CFDP1: variants seen among roughly 807,000 people sequenced by gnomAD.
CFDP1 encodes chromatin remodeling protein CFDP1, also known as heterochromatin-stabilizing protein CFDP1.
A neutral mutation model predicts 40.1 loss-of-function variants in CFDP1; 31 were observed. The ratio of observed to expected loss-of-function variants is 0.77; its 90% CI spans 0.58 to 1.04. The LOEUF is 1.04. Among genes scored for constraint, CFDP1 ranks in the 50% least tolerant of loss-of-function variants. The pLI, the probability that CFDP1 is intolerant of heterozygous loss-of-function variation, is 0.00. For missense variants in CFDP1, 423 were observed against 343.4 expected, an observed-to-expected ratio of 1.23 and a Z score of -1.83; for synonymous variants, 167 against 120.0, an observed-to-expected ratio of 1.39 and a Z score of -2.56.
chr16:75,347,180 TAAAAGTACA>T (rs2078572508), intron 5 of CFDP1, among the ~76,000 whole-genome samples: 1 of 149,668 alleles, frequency 6.7e-6, no homozygotes, highest in African/African-American at 2.5e-5. Flanking sequence ...CTGTCCCCAC[TAAAAGTACA>T]AAAAGTCAGC....
chr16:75,412,772 C>A lies in CFDP1; in HGVS notation c.183-18G>T. ...TTCTCTTCCTAATCACCAGCAGTCA[C>A]AGGAAAAAGGAAAGACAGCACAAAA... On this transcript the variant is annotated intron_variant, in intron 2 of 6. Coordinates refer to ENST00000283882, the MANE Select transcript of CFDP1 (RefSeq NM_006324.3). The A allele has an allele frequency of 6.3e-7, 1 of 1,598,908 alleles. No homozygotes were observed. The highest frequency in any genetic ancestry group is 8.6e-7 in the Non-Finnish European group (1 of 1,168,900).
chr16:75,327,378 A>C (rs1052581415), intron 5 of CFDP1, among the ~76,000 whole-genome samples: 4 of 152,224 alleles, frequency 2.6e-5, no homozygotes, highest in Non-Finnish European at 5.9e-5. Flanking sequence ...AGAGCTGCAC[A>C]GAAAGCAAAG....
chr16:75,414,543 C>CAAGG, intron 2 of CFDP1, 35 bp downstream of exon 2: 1 of 1,246,766 alleles, frequency 8.0e-7, no homozygotes, highest in South Asian at 1.2e-5. Context: ...GTGACAATAG[C>CAAGG]CCCTAACTTC....
intron 5 of CFDP1, among the ~76,000 whole-genome samples, chr16:75,340,308 G>T (rs536859360): frequency 3.3e-5 from 5 of 152,296 alleles, no homozygotes; most frequent in Admixed American, 1.3e-4. Flanking sequence ...TTTAGAAGAA[G>T]AATTCATTTT....
intron 5 of CFDP1, among the ~76,000 whole-genome samples, chr16:75,349,466 G>A (rs1332998732): frequency 2.7e-5 from 4 of 150,070 alleles, no homozygotes; most frequent in African/African-American, 7.4e-5. Flanking sequence ...CCAGGATCAT[G>A]CCACTGCACT....
At chr16:75,330,858 C>T (rs1283458874) in intron 5 of CFDP1, among the ~76,000 whole-genome samples, 1 of 151,944 alleles carries the variant, frequency 6.6e-6, no homozygotes, top group African/African-American at 2.4e-5. Flanking sequence ...TTGTACATCC[C>T]CAAGTACACT....
intron 5 of CFDP1, among the ~76,000 whole-genome samples, chr16:75,373,788 C>T (rs1006826606): frequency 2.6e-5 from 4 of 152,130 alleles, no homozygotes; most frequent in African/African-American, 9.7e-5. Flanking sequence ...GCCTTGACTT[C>T]CTCTACACAA....
intron 3 of CFDP1, 128 bp downstream of exon 3, chr16:75,412,407 G>T (rs2079170848): frequency 5.3e-6 from 4 of 759,490 alleles, no homozygotes; most frequent in Non-Finnish European, 9.1e-6. Flanking sequence ...CCTACCACAG[G>T]AAATGCTTTG....
chr16:75,421,420 A>C (rs2079278762), intron 1 of CFDP1, among the ~76,000 whole-genome samples: 1 of 152,162 alleles, frequency 6.6e-6, no homozygotes, highest in Non-Finnish European at 1.5e-5. Context: ...AAAACCCCCC[A>C]AAACCTCAAT....
chr16:75,346,857 A>G (rs757579620), intron 5 of CFDP1, among the ~76,000 whole-genome samples: 1 of 152,062 alleles, frequency 6.6e-6, no homozygotes, highest in Non-Finnish European at 1.5e-5. Flanking sequence ...CTAGTTAGTC[A>G]ACAGGACTTG....
At position 75,419,999 on chromosome 16, in the gene CFDP1, G is replaced by T. The variant is rs537854881; in HGVS notation, c.65-5304C>A. Among the ~76,000 whole-genome samples the T allele has an allele frequency of 2.6e-5, 4 of 151,344 alleles. No individual in the cohort carries two copies. In the East Asian group the frequency reaches 5.8e-4, roughly 22 times the overall value. On this transcript the variant is annotated intron_variant, in intron 1 of 6. Transcript: ENST00000283882. The stretch of plus-strand genomic sequence containing the variant: ...TTCGAGATCCAAGAACCCTCTCTTG[G>T]GGTCTGGGTCTGGATCCCCTTTCAG...
intron 5 of CFDP1, among the ~76,000 whole-genome samples, chr16:75,385,539 G>C (rs201413150): frequency 1.9e-5 from 2 of 106,214 alleles, no homozygotes; most frequent in African/African-American, 5.5e-5. Flanking sequence ...TAGTAGAGTT[G>C]AAAAAAAAAA....
intron 5 of CFDP1, among the ~76,000 whole-genome samples, chr16:75,337,195 G>C (rs183587015): frequency 6.6e-6 from 1 of 152,240 alleles, no homozygotes; most frequent in Non-Finnish European, 1.5e-5. Context: ...CAGCTGAAAG[G>C]GAGAAGACAG....
chr16:75,342,470 A>G (rs2078533539), intron 5 of CFDP1, among the ~76,000 whole-genome samples: 1 of 152,178 alleles, frequency 6.6e-6, no homozygotes, highest in South Asian at 2.1e-4. Flanking sequence ...ATTAACAGAA[A>G]GGCTGTAAAA....
intron 5 of CFDP1, among the ~76,000 whole-genome samples, chr16:75,319,460 T>C (rs190060055): frequency 7.9e-4 from 121 of 152,270 alleles, no homozygotes; most frequent in African/African-American, 2.6e-3. Context: ...GGGGGGAACG[T>C]GCTTTATGGT....
intron 1 of CFDP1, among the ~76,000 whole-genome samples, chr16:75,423,871 C>T (rs2079306368): frequency 6.6e-6 from 1 of 152,036 alleles, no homozygotes; most frequent in Non-Finnish European, 1.5e-5. Flanking sequence ...AGCCTTTTTC[C>T]AAATATTTTC....
intron 4 of CFDP1, among the ~76,000 whole-genome samples, chr16:75,405,287 A>T (rs35737321): frequency 0.49 from 75,086 of 152,012 alleles, 20,055 homozygotes; most frequent in Admixed American, 0.63. Context: ...TATTTTTATA[A>T]CTTATTTTTA....
rs141033729 is a variant in CFDP1 at position 75,391,118 on chromosome 16, T to A, written c.650+3972A>T. Among the ~76,000 whole-genome samples the A allele has an allele frequency of 1.5e-3, 221 of 152,346 alleles. 1 individual carries two copies. Among genetic ancestry groups the A allele is most frequent in the African/African-American group, 5.2e-3 (218 of 41,588 alleles). The stretch of plus-strand genomic sequence containing the variant: ...TTTTAAGCTGCCATTTCTCCATTCT[T>A]TAGTTATTTTCATAATTATAGTAGC... On this transcript the variant is annotated intron_variant, in intron 5 of 6. Coordinates refer to ENST00000283882, the MANE Select transcript of CFDP1 (RefSeq NM_006324.3).
At chr16:75,414,804 G>C (rs943563836) in intron 1 of CFDP1, 109 bp from the exon 2 acceptor site, 1 of 753,006 alleles carries the variant, frequency 1.3e-6, no homozygotes, top group Non-Finnish European at 2.2e-6. Context: ...TTAAGAAAAA[G>C]TGAATTTTCC....
Sources: gnomAD v4.1 joint callset for allele counts (sites outside exome capture counted in the v4.1 genomes callset) on GRCh38, gnomAD v4.1.1 for gene constraint, MANE v1.5 for transcripts, NCBI Gene and HGNC (gene_info 2026-07-23, HGNC 2026-07-21) for gene names.